The following FAM9A variants were observed in gnomAD, a reference collection of about 807,000 sequenced individuals.
FAM9A encodes family with sequence similarity 9 member A.
FAM9A carries 49 observed loss-of-function variants against 25.0 expected under a neutral mutation model. The observed-to-expected ratio is 1.96, with a 90% CI of 1.56 to 2.48. FAM9A has a LOEUF of 2.48. Among genes scored for constraint, FAM9A ranks in the 30% most tolerant of loss-of-function variants. FAM9A has a pLI of 0.00. For synonymous variants in FAM9A, 80 were observed against 85.1 expected, an observed-to-expected ratio of 0.94 and a Z score of 0.33; for missense variants, 266 against 249.3, an observed-to-expected ratio of 1.07 and a Z score of -0.45.
At chrX:8,792,396 G>C in intron 8 of FAM9A, among the ~76,000 whole-genome samples, 1 of 111,099 alleles carries the variant, frequency 9.0e-6, no homozygotes, top group Middle Eastern at 4.7e-3. Flanking sequence ...AATAGTACAA[G>C]CAAGGAAGAA....
chrX:8,795,310 G>C lies in FAM9A; in HGVS notation c.599C>G (p.Ala200Gly), dbSNP rs867407773. 8.3e-7 allele frequency: 1 copy of C among 1,205,179 alleles called. No individual in the cohort carries two copies. Among genetic ancestry groups the C allele is most frequent in the Non-Finnish European group, 1.1e-6 (1 of 893,563 alleles). ...EAEEAEAAAA[A>G]AEAAAAAEAA... ...TTCTGCTGCTGCTGCGGCTTCTGCT[G>C]CTGCTGCTGCGGCTTCTGCTTCTTC... Residue 200 changes from alanine (A) to glycine (G), a missense_variant, in exon 7 of 10, where the codon GCA becomes GGA. Ala to Gly is a moderately conservative substitution (Grantham distance 60, BLOSUM62 0). Transcript: ENST00000381003.
chrX:8,792,136 A>T (rs1285330370), intron 8 of FAM9A, among the ~76,000 whole-genome samples: 2 of 111,521 alleles, frequency 1.8e-5, no homozygotes, highest in Non-Finnish European at 3.8e-5. Flanking sequence ...TAAGAGTAAC[A>T]GTGAATTCCT....
At chrX:8,793,570 C>A in intron 8 of FAM9A, 88 bp downstream of exon 8, 1 of 760,171 alleles carries the variant, frequency 1.3e-6, no homozygotes, top group African/African-American at 2.1e-5. Context: ...ACCAAAATGT[C>A]TTTCCATACA....
In FAM9A at chrX:8,791,384, A is replaced by G. The variant is rs777061790; in HGVS notation, c.931-5T>C. 22 of 1,194,829 alleles carry G rather than the reference A, an allele frequency of 1.8e-5. No individual in the cohort carries two copies. The South Asian group carries it at 4.1e-4, about 22-fold the overall frequency. On this transcript the variant is annotated splice_polypyrimidine_tract_variant and splice_region_variant and intron_variant, in intron 8 of 9. Coordinates refer to ENST00000381003, the MANE Select transcript of FAM9A (RefSeq NM_174951.3). ...GTCTTTAGTGTCCTTGGCAGCCTAAAAGAAAAAGTCTAGTTCACTGACAAA... is the reference window on the plus strand; with the variant it reads ...GTCTTTAGTGTCCTTGGCAGCCTAAGAGAAAAAGTCTAGTTCACTGACAAA...
Position 8,795,366 on chromosome X carries a change from G to T in FAM9A, c.543C>A (p.Tyr181Ter). ...CATCATCTTTCTGCTTCTCTGCGAT[G>T]TATTCTTTAAGGACATTCAGCAACT... Reference protein sequence around the residue: ...TRKLLNVLKEYIAEKQKDDEA... With the variant: ...TRKLLNVLKE Residue 181 changes from tyrosine to a stop codon, truncating the protein, a stop_gained, in exon 7 of 10, where the codon TAC becomes TAA. Coordinates refer to ENST00000381003, the MANE Select transcript of FAM9A (RefSeq NM_174951.3). LOFTEE classifies it high-confidence loss of function. The T allele has an allele frequency of 8.3e-7, 1 of 1,207,580 alleles. No individual in the cohort carries two copies. Among genetic ancestry groups the T allele is most frequent in the Non-Finnish European group, 1.1e-6 (1 of 893,765 alleles).
chrX:8,796,234 A>T, intron 6 of FAM9A, 34 bp downstream of exon 6: 1 of 1,016,906 alleles, frequency 9.8e-7, no homozygotes, highest in Non-Finnish European at 1.4e-6. Context: ...GAAATGATAT[A>T]AATATCATTA....
At chrX:8,793,234 A>G (rs182168515) in intron 8 of FAM9A, among the ~76,000 whole-genome samples, 1 of 112,129 alleles carries the variant, frequency 8.9e-6, no homozygotes, top group Admixed American at 9.4e-5. Context: ...AACTGAAAAT[A>G]AAATCTTCAT....
rs1165366825 is a variant in FAM9A at position 8,791,175 on chromosome X, G to A, written c.*32-3C>T. ...TGAAGTGCCAACTCTTCCAAAAGCT[G>A]TTTCAAAAAAAAATTTAAGTAACTG... On this transcript the variant is annotated splice_polypyrimidine_tract_variant and splice_region_variant and intron_variant, in intron 9 of 9. Coordinates refer to ENST00000381003, the MANE Select transcript of FAM9A (RefSeq NM_174951.3). 9 of 538,241 alleles carry A rather than the reference G, an allele frequency of 1.7e-5. No individual in the cohort carries two copies. The highest frequency in any genetic ancestry group is 1.4e-4 in the African/African-American group (6 of 42,085). 44.4% of individuals were successfully genotyped at this position (538,241 alleles called of 1,213,427 possible).
In FAM9A at chrX:8,798,959, T is replaced by C. The variant is rs1933566126; in HGVS notation, c.220+7A>G. ...CCTTCTTTTCTGGCCCCTTGGGCTG[T>C]GTTTACCTGTGTGCTTCTTCGCCGG... On this transcript the variant is annotated splice_region_variant and intron_variant, in intron 3 of 9. Transcript: ENST00000381003. The C allele has an allele frequency of 8.3e-7, 1 of 1,211,725 alleles. No individual in the cohort carries two copies. The highest frequency in any genetic ancestry group is 1.7e-5 in the African/African-American group (1 of 57,741).
chrX:8,798,126 C>T, intron 5 of FAM9A, 24 bp downstream of exon 5: 2 of 1,190,451 alleles, frequency 1.7e-6, no homozygotes, highest in East Asian at 3.0e-5. Context: ...TTTTCAAAGA[C>T]TACGAATAGC....
In FAM9A at chrX:8,798,966, C is replaced by T. The variant is rs1413436510; in HGVS notation, c.220G>A (p.Gly74Arg). The T allele has an allele frequency of 8.2e-7, 1 of 1,212,629 alleles. No homozygotes were observed. The highest frequency in any genetic ancestry group is 1.1e-6 in the Non-Finnish European group (1 of 895,671). ...VRAAPAKKHTGKDPVRDECEE... is the reference protein window; with the variant it reads ...VRAAPAKKHTRKDPVRDECEE... ...TTCTGGCCCCTTGGGCTGTGTTTAC[C>T]TGTGTGCTTCTTCGCCGGGGCGGCC... Residue 74 changes from glycine to arginine, a missense_variant and splice_region_variant, in exon 3 of 10, where the codon GGA (glycine) becomes AGA (arginine). Physicochemically the swap from Gly to Arg is moderately radical, Grantham distance 125. Transcript: ENST00000381003.
chrX:8,793,513 G>T, intron 8 of FAM9A, 145 bp downstream of exon 8: 1 of 449,847 alleles, frequency 2.2e-6, no homozygotes, highest in Non-Finnish European at 3.8e-6. Context: ...TGTTAAATTT[G>T]GAACAATACA....
At chrX:8,798,895 C>T in intron 3 of FAM9A, 71 bp downstream of exon 3, 1 of 1,197,451 alleles carries the variant, frequency 8.4e-7, no homozygotes, top group Non-Finnish European at 1.1e-6. Context: ...CATGTGCCTC[C>T]CGCGCAAAGA....
Position 8,791,361 on chromosome X carries a change from C to G in FAM9A, c.949G>C (p.Asp317His). 1 of 1,203,437 alleles carries G rather than the reference C, an allele frequency of 8.3e-7. No homozygotes were observed. The highest frequency in any genetic ancestry group is 1.1e-6 in the Non-Finnish European group (1 of 891,794). Residue 317 changes from aspartate (D) to histidine (H), a missense_variant, in exon 9 of 10, where the codon GAC (aspartate) becomes CAC (histidine). Asp to His is a moderately conservative substitution (Grantham distance 81). Transcript: ENST00000381003. ...QLLKAAKDTK[D>H]NYCIISSSEE... is the part of the protein sequence containing the mutation. ...CTGGAAGAAATGATGCAATAATTGTCTTTAGTGTCCTTGGCAGCCTAAAAG... is the reference window on the plus strand; with the variant it reads ...CTGGAAGAAATGATGCAATAATTGTGTTTAGTGTCCTTGGCAGCCTAAAAG...
chrX:8,793,583 C>A, intron 8 of FAM9A, 75 bp downstream of exon 8: 1 of 870,810 alleles, frequency 1.1e-6, no homozygotes, highest in African/African-American at 2.0e-5. Flanking sequence ...TCCATACATT[C>A]GGAAACAAAC....
At position 8,795,433 on chromosome X, in the gene FAM9A, A is replaced by G. The variant is rs371121880; in HGVS notation, c.489-13T>C. On this transcript the variant is annotated splice_polypyrimidine_tract_variant and intron_variant, in intron 6 of 9. Transcript: ENST00000381003. ...ATCACGTTTCTGCCTGTAACACATA[A>G]TAAGTAATACGGTCATATGTCATAG... 1 of 1,168,184 alleles carries G rather than the reference A, an allele frequency of 8.6e-7. No individual in the cohort carries two copies. Among genetic ancestry groups the G allele is most frequent in the Non-Finnish European group, 1.2e-6 (1 of 868,058 alleles).
chrX:8,798,867 C>T, intron 3 of FAM9A, 99 bp downstream of exon 3: 2 of 1,164,323 alleles, frequency 1.7e-6, no homozygotes. Context: ...ACGAAGGGGC[C>T]AGGGGTCTCG....
intron 7 of FAM9A, 86 bp from the exon 8 acceptor site, chrX:8,793,842 T>A (rs1380652351): frequency 1.6e-6 from 1 of 609,214 alleles, no homozygotes; most frequent in Non-Finnish European, 2.6e-6. Context: ...ATAGGAATAC[T>A]CTTTAAATCT....
intron 8 of FAM9A, among the ~76,000 whole-genome samples, chrX:8,792,964 CATTCTGTTATACATCTG>C (rs1282262757): frequency 8.9e-6 from 1 of 112,361 alleles, no homozygotes; most frequent in Non-Finnish European, 1.9e-5. Context: ...CTGGCTTTCC[CATTCTGTTATACATCTG>C]AACCATCTCT....
Sources: gnomAD v4.1 joint callset for allele counts (sites outside exome capture counted in the v4.1 genomes callset) on GRCh38, gnomAD v4.1.1 for gene constraint, MANE v1.5 for transcripts, NCBI Gene and HGNC (gene_info 2026-07-23, HGNC 2026-07-21) for gene names.